Variants in NECTIN1 observed in about 807,000 individuals in gnomAD.
The protein encoded by NECTIN1 is nectin cell adhesion molecule 1, also known as nectin-1.
In NECTIN1, 23 loss-of-function variants were observed where a neutral mutation model predicts 48.0. The ratio of observed to expected loss-of-function variants is 0.48; its 90% CI spans 0.34 to 0.68. The LOEUF is 0.68. NECTIN1 is among the 30% of genes least tolerant of loss of function. The pLI is 0.01. For synonymous variants in NECTIN1, 270 were observed against 288.9 expected (o/e 0.93, Z 0.66); for missense variants, 591 against 709.9 (o/e 0.83, Z 1.90).
At chr11:119,689,356 G>T (rs1026383025) in intron 1 of NECTIN1, among the ~76,000 whole-genome samples, 1 of 152,166 alleles carries the variant, frequency 6.6e-6, no homozygotes, top group Non-Finnish European at 1.5e-5. Flanking sequence ...CTTCCCTGTG[G>T]CATTCAGACC....
At chr11:119,688,511 C>T (rs183752275) in intron 1 of NECTIN1, among the ~76,000 whole-genome samples, 32 of 152,264 alleles carry the variant, frequency 2.1e-4, no homozygotes, top group African/African-American at 7.2e-4. Context: ...CTGGCCTCTA[C>T]CCAAGTGCAC....
chr11:119,653,882 C>G (rs1428943047), intron 5 of NECTIN1: 1 of 152,150 alleles, frequency 6.6e-6, no homozygotes, highest in East Asian at 1.9e-4. Context: ...TTCATCCCAG[C>G]AGTCTACTCA....
intron 1 of NECTIN1, among the ~76,000 whole-genome samples, chr11:119,691,968 G>T (rs1004941259): frequency 6.6e-6 from 1 of 152,160 alleles, no homozygotes; most frequent in Non-Finnish European, 1.5e-5. Flanking sequence ...TTCCTGCCCC[G>T]CCGGGCAGGG....
At chr11:119,705,140 G>T (rs1865526683) in intron 1 of NECTIN1, among the ~76,000 whole-genome samples, 1 of 152,148 alleles carries the variant, frequency 6.6e-6, no homozygotes, top group Non-Finnish European at 1.5e-5. Context: ...GTGCTGGCCA[G>T]GCAGGGCTCG....
At chr11:119,704,968 T>C (rs985367193) in intron 1 of NECTIN1, among the ~76,000 whole-genome samples, 5 of 152,224 alleles carry the variant, frequency 3.3e-5, no homozygotes, top group South Asian at 2.1e-4. Context: ...AACTTTCTTT[T>C]CTTAAATGTA....
At chr11:119,657,690 A>T (rs1376033352), downstream of NECTIN1, among the ~76,000 whole-genome samples, 1 of 148,846 alleles carries the variant, frequency 6.7e-6, no homozygotes, top group Non-Finnish European at 1.5e-5. Context: ...GCTTGAGGCC[A>T]GAAGTTTGAG....
intron 1 of NECTIN1, among the ~76,000 whole-genome samples, chr11:119,722,672 C>G (rs1865851764): frequency 6.6e-6 from 1 of 152,236 alleles, no homozygotes; most frequent in Non-Finnish European, 1.5e-5. Flanking sequence ...CACAGGCAGC[C>G]AGGCTCCCGA....
At chr11:119,646,872 G>T (rs1222588614) in intron 5 of NECTIN1, among the ~76,000 whole-genome samples, 2 of 152,224 alleles carry the variant, frequency 1.3e-5, no homozygotes, top group Non-Finnish European at 2.9e-5. Flanking sequence ...ATAAGAGCAG[G>T]ACTGTTGTCG....
rs943083069 is a variant in NECTIN1 at position 119,694,151 on chromosome 11, G to T, written c.80-15386C>A. 3.3e-5 allele frequency among the ~76,000 whole-genome samples: 5 copies of T among 152,162 alleles called. No homozygotes were observed. The East Asian group carries it at 9.7e-4, about 29-fold the overall frequency. On this transcript the variant is annotated intron_variant, in intron 1 of 5. Transcript: ENST00000264025. ...TGCTCTTGACTCCCCATTCACAGAG[G>T]GGGAAATGGAGGGGCAGAGAAGGAG...
intron 5 of NECTIN1, among the ~76,000 whole-genome samples, chr11:119,648,343 A>ATGG (rs1565376673): frequency 3.1e-3 from 4 of 1,282 alleles, no homozygotes; most frequent in Non-Finnish European, 3.5e-3. Context: ...GGTGGTGGTG[A>ATGG]TGCTGGTGGT....
chr11:119,695,354 A>C (rs1346589520), intron 1 of NECTIN1, among the ~76,000 whole-genome samples: 2 of 72,778 alleles, frequency 2.7e-5, no homozygotes, highest in East Asian at 4.3e-4. Context: ...ACTCCTACCC[A>C]CCCTTCAACA....
At chr11:119,706,283 TAGAC>T (rs890042693) in intron 1 of NECTIN1, among the ~76,000 whole-genome samples, 2 of 152,176 alleles carry the variant, frequency 1.3e-5, no homozygotes, top group Non-Finnish European at 2.9e-5. Context: ...TAAAGGCAAT[TAGAC>T]AGGTTTGTTT....
chr11:119,665,173 G>A lies in NECTIN1; in HGVS notation c.1128C>T (p.Val376=), dbSNP rs1480603253. ...AGGTGTGCCGGCGCCGACGCAGGGCGACCACGATCCCGCCGACCACAATCA... is the reference window on the plus strand; with the variant it reads ...AGGTGTGCCGGCGCCGACGCAGGGCAACCACGATCCCGCCGACCACAATCA... ...LVLIVVGGIV[V]ALRRRRHTFK... Residue 376 remains valine (V), a synonymous_variant, in exon 6 of 6, where the codon GTC becomes GTT. Transcript: ENST00000264025. This position sits in a 1 kb window ranked among gnomAD's most constrained non-coding sequence, Gnocchi z 5.1. The A allele has an allele frequency of 2.5e-6, 4 of 1,611,368 alleles. No individual in the cohort carries two copies. Among genetic ancestry groups the A allele is most frequent in the Admixed American group, 1.7e-5 (1 of 60,004 alleles).
rs398045650 is a variant in NECTIN1, at chr11:119,669,410, CAAA to C, written c.1004-4116_1004-4114del. Among the ~76,000 whole-genome samples the C allele has an allele frequency of 1.6e-3, 202 of 130,092 alleles. 2 individuals are homozygous for C. Among genetic ancestry groups the C allele is most frequent in the African/African-American group, 5.6e-3 (198 of 35,644 alleles). The allele number at this position is 130,092 out of a possible 152,430, so 85.3% of individuals were successfully genotyped here. The stretch of plus-strand genomic sequence containing the variant: ...TGGGCAACAGTGCAAGACTCCGTCT[CAAA>C]AAAAAAAAAAAAATGCACCTTGAAC... On this transcript the variant is annotated intron_variant, in intron 5 of 5. Coordinates refer to ENST00000264025, the MANE Select transcript of NECTIN1 (RefSeq NM_002855.5).
chr11:119,674,519 G>C (rs1864915356), intron 5 of NECTIN1: 2 of 1,613,830 alleles, frequency 1.2e-6, no homozygotes, highest in South Asian at 1.1e-5. Context: ...GATGGTGGGG[G>C]GGGCCCTGTC....
At chr11:119,688,013 A>G (rs1256588976) in intron 1 of NECTIN1, among the ~76,000 whole-genome samples, 1 of 152,102 alleles carries the variant, frequency 6.6e-6, no homozygotes, top group Non-Finnish European at 1.5e-5. Context: ...TGAGAGATTA[A>G]GAGGAACATG....
chr11:119,659,793 A>T (rs148329444), downstream of NECTIN1, among the ~76,000 whole-genome samples: 267 of 152,342 alleles, frequency 1.8e-3, no homozygotes, highest in African/African-American at 6.0e-3. Flanking sequence ...GTTAAATGCC[A>T]ATTAGGACGT....
chr11:119,662,884 CTT>C lies in NECTIN1; in HGVS notation c.*1861_*1862del, dbSNP rs1274044735. ...GCACCAGGGCTGGCATGGCTTCAGA[CTT>C]CTGCTACGTGGCTACTGGGCAGCCT... On this transcript the variant is annotated 3_prime_UTR_variant, in exon 6 of 6. Transcript: ENST00000264025. The surrounding 1 kb of genome is among the most constrained non-coding windows in gnomAD (Gnocchi z 5.3). 1.2e-5 allele frequency: 12 copies of C among 986,234 alleles called. 2 individuals are homozygous for C. The South Asian group carries it at 4.7e-4, about 39-fold the overall frequency. 61.1% of individuals were successfully genotyped at this position (986,234 alleles called of 1,614,324 possible).
rs1864670477 is a variant in NECTIN1 at position 119,661,829 on chromosome 11, T to G, written c.*2918A>C. 4.1e-6 allele frequency: 4 copies of G among 985,296 alleles called. No homozygotes were observed. The highest frequency in any genetic ancestry group is 1.7e-5 in the African/African-American group (1 of 57,196). The allele number at this position is 985,296 out of a possible 1,614,324, so 61.0% of individuals were successfully genotyped here. A position where few individuals can be genotyped will look rare whatever the true frequency, so the allele number is the denominator to read the frequency against. ...TGCTGAGTGGCCATCTGGCTGTGCA[T>G]GCATGCGTGTGTACATGCGTGTACA... On this transcript the variant is annotated 3_prime_UTR_variant, in exon 6 of 6. Coordinates refer to ENST00000264025, the MANE Select transcript of NECTIN1 (RefSeq NM_002855.5).
Sources: allele counts gnomAD v4.1 joint callset (sites outside exome capture counted in the v4.1 genomes callset), GRCh38; gene constraint gnomAD v4.1.1; non-coding constraint Gnocchi (gnomAD v3.1); transcripts MANE v1.5; gene names NCBI Gene and HGNC (gene_info 2026-07-23, HGNC 2026-07-21).